Variants in PTTG1 observed in about 807,000 individuals in gnomAD.
PTTG1 encodes securin.
PTTG1 carries 8 observed loss-of-function variants against 20.0 expected under a neutral mutation model. The observed-to-expected ratio is 0.40, with a 90% CI of 0.23 to 0.72. The LOEUF (loss-of-function observed/expected upper bound fraction) is 0.72. PTTG1 is among the 30% of genes least tolerant of loss of function. The pLI is 0.38. For missense variants in PTTG1, 197 were observed against 236.0 expected, an observed-to-expected ratio of 0.83 and a Z score of 1.08; for synonymous variants, 79 against 87.2, an observed-to-expected ratio of 0.91 and a Z score of 0.52.
chr5:160,424,234 T>A lies in PTTG1; in HGVS notation c.277-3T>A. 1.9e-6 allele frequency: 3 copies of A among 1,602,578 alleles called. No homozygotes were observed. Among genetic ancestry groups the A allele is most frequent in the Non-Finnish European group, 2.6e-6 (3 of 1,171,034 alleles). ...TAACCCATATTTTCTTTGGCTGTTC[T>A]AGATGACTGAGAAGACTGTTAAAGC... On this transcript the variant is annotated splice_region_variant and splice_polypyrimidine_tract_variant and intron_variant, in intron 3 of 5. Coordinates refer to ENST00000352433, the MANE Select transcript of PTTG1 (RefSeq NM_004219.4).
At chr5:160,422,509 G>A (rs1041860922) in intron 2 of PTTG1, 106 bp downstream of exon 2, 1 of 703,718 alleles carries the variant, frequency 1.4e-6, no homozygotes, top group Admixed American at 2.3e-5. Context: ...GTTTGTTATT[G>A]GTCCTTTTTC....
intron 2 of PTTG1, 75 bp from the exon 3 acceptor site, chr5:160,422,634 G>A (rs762703372): frequency 6.4e-7 from 1 of 1,554,988 alleles, no homozygotes; most frequent in Non-Finnish European, 8.9e-7. Context: ...GAGAGGTCAA[G>A]TTTATATACA....
rs762542881 is a variant in PTTG1, at chr5:160,422,763, C to T, written c.146C>T (p.Thr49Met). The change falls in exon 3 of 6, where the codon ACG (threonine) becomes ATG (methionine). Residue 49 changes from threonine (T) to methionine (M), a missense_variant. By Grantham distance (81) the Thr-to-Met change is moderately conservative (BLOSUM62 -1). Coordinates refer to ENST00000352433, the MANE Select transcript of PTTG1 (RefSeq NM_004219.4). ...GTTTCAACACCACGTTTTGGCAAAA[C>T]GTTCGATGCCCCACCAGCCTTACCT... ...SQVSTPRFGK[T>M]FDAPPALPKA... 7 of 1,614,102 alleles carry T rather than the reference C, an allele frequency of 4.3e-6. No homozygotes were observed.
chr5:160,424,350 C>A lies in PTTG1; in HGVS notation c.370+20C>A, dbSNP rs1452027125. ...CTCTAGGTAGTATCTTTTGCAATTG[C>A]GAAAAGTGCTTTTGGCCTTTAGTTT... is the stretch of plus-strand genomic sequence containing the variant. On this transcript the variant is annotated intron_variant, in intron 4 of 5. Coordinates refer to ENST00000352433, the MANE Select transcript of PTTG1 (RefSeq NM_004219.4). 6.5e-7 allele frequency: 1 copy of A among 1,531,104 alleles called. No homozygotes were observed. Among genetic ancestry groups the A allele is most frequent in the African/African-American group, 1.4e-5 (1 of 72,652 alleles). 94.8% of individuals were successfully genotyped at this position (1,531,104 alleles called of 1,614,324 possible).
intron 3 of PTTG1, 51 bp downstream of exon 3, chr5:160,422,944 CT>C (rs758979512): frequency 1.9e-6 from 3 of 1,557,294 alleles, no homozygotes; most frequent in Non-Finnish European, 2.6e-6. Context: ...ACTTTTGACT[CT>C]TAAAATGACT....
rs763661529 is a variant in PTTG1, at chr5:160,428,687, T to G, written c.*6T>G. On this transcript the variant is annotated 3_prime_UTR_variant, in exon 6 of 6. Transcript: ENST00000352433. ...GCTGTGACATAGATATTTAAATTTC[T>G]TAGTGCTTCAGAGTTTGTGTGTATT... The G allele has an allele frequency of 6.2e-7, 1 of 1,606,780 alleles. No homozygotes were observed. The highest frequency in any genetic ancestry group is 1.7e-5 in the Admixed American group (1 of 60,018).
chr5:160,423,431 T>C (rs1765753543), intron 3 of PTTG1, among the ~76,000 whole-genome samples: 2 of 152,258 alleles, frequency 1.3e-5, no homozygotes, highest in Non-Finnish European at 2.9e-5. Context: ...CTGTGAAAGA[T>C]GACATTAGCA....
In PTTG1 at chr5:160,427,858, C is replaced by T. The variant is rs1001035771; in HGVS notation, c.514C>T (p.Pro172Ser). ...CCCTTCACCTGTGAAGATGCCCTCT[C>T]CACCATGGGAATCCAGTAAGTGAGC... ...GPPSPVKMPS[P>S]PWESNLLQSP... The change falls in exon 5 of 6, where the codon CCA becomes TCA. Residue 172 changes from proline (P) to serine (S), a missense_variant. Transcript: ENST00000352433. The T allele has an allele frequency of 5.6e-6, 9 of 1,614,172 alleles. No homozygotes were observed. In the African/African-American group the frequency reaches 8.0e-5, roughly 14 times the overall value.
Position 160,427,889 on chromosome 5 carries a change from C to T in PTTG1, c.529+16C>T, listed in dbSNP as rs1330012908. On this transcript the variant is annotated intron_variant, in intron 5 of 5. Coordinates refer to ENST00000352433, the MANE Select transcript of PTTG1 (RefSeq NM_004219.4). ...TGGGAATCCAGTAAGTGAGCAAGTG[C>T]CCTTCTGGAAGGGCTGCAAACAATT... The T allele has an allele frequency of 3.7e-6, 6 of 1,613,934 alleles. No individual in the cohort carries two copies. The African/African-American group carries it at 8.0e-5, about 22-fold the overall frequency.
intron 2 of PTTG1, 42 bp downstream of exon 2, chr5:160,422,445 A>G (rs761479982): frequency 6.5e-7 from 1 of 1,547,004 alleles, no homozygotes; most frequent in East Asian, 2.2e-5. Flanking sequence ...GGTATTGTGG[A>G]CGTGGCCTGG....
chr5:160,424,343 G>A lies in PTTG1; in HGVS notation c.370+13G>A, dbSNP rs1160034532. 6.4e-7 allele frequency: 1 copy of A among 1,559,510 alleles called. No homozygotes were observed. Among genetic ancestry groups the A allele is most frequent in the Admixed American group, 1.7e-5 (1 of 57,160 alleles). ...TTCAATCCTCTAGGTAGTATCTTTT[G>A]CAATTGCGAAAAGTGCTTTTGGCCT... On this transcript the variant is annotated intron_variant, in intron 4 of 5. Transcript: ENST00000352433.
At position 160,422,851 on chromosome 5, in the gene PTTG1, G is replaced by C. The variant is rs1317512761; in HGVS notation, c.234G>C (p.Lys78Asn). ...NRATEKSVKTKGPLKQKQPSF... is the reference protein window; with the variant it reads ...NRATEKSVKTNGPLKQKQPSF... ...CTACAGAAAAGTCTGTAAAGACCAA[G>C]GGACCCCTCAAACAAAAACAGCCAA... The change falls in exon 3 of 6, where the codon AAG becomes AAC. Residue 78 changes from lysine to asparagine, a missense_variant. Physicochemically the swap from Lys to Asn is moderately conservative, Grantham distance 94. Transcript: ENST00000352433. 1 of 1,614,170 alleles carries C rather than the reference G, an allele frequency of 6.2e-7. No homozygotes were observed. The highest frequency in any genetic ancestry group is 8.5e-7 in the Non-Finnish European group (1 of 1,180,036).
intron 4 of PTTG1, among the ~76,000 whole-genome samples, chr5:160,427,041 CA>C (rs35735664): frequency 9.4e-5 from 14 of 149,306 alleles, no homozygotes; most frequent in East Asian, 3.9e-4. Context: ...GACTCTGTCT[CA>C]AAAAAAAAAT....
intron 4 of PTTG1, among the ~76,000 whole-genome samples, chr5:160,426,243 T>C (rs1291047882): frequency 6.6e-6 from 1 of 152,192 alleles, no homozygotes; most frequent in East Asian, 1.9e-4. Flanking sequence ...TATTTTTTGT[T>C]CTGGAAAAGT....
intron 1 of PTTG1, 91 bp downstream of exon 1, chr5:160,421,982 G>GA: frequency 5.5e-6 from 1 of 182,290 alleles, no homozygotes; most frequent in South Asian, 8.9e-5. Context: ...CTGAAGCTGG[G>GA]GCTGGGGTTG....
intron 4 of PTTG1, among the ~76,000 whole-genome samples, chr5:160,425,438 A>G (rs1422652174): frequency 1.3e-5 from 2 of 152,192 alleles, no homozygotes; most frequent in African/African-American, 4.8e-5. Flanking sequence ...CAGGAAAGAG[A>G]TATTGCTAAG....
chr5:160,423,667 G>C (rs1161631479), intron 3 of PTTG1, among the ~76,000 whole-genome samples: 6 of 151,944 alleles, frequency 3.9e-5, no homozygotes, highest in Non-Finnish European at 8.8e-5. Flanking sequence ...CATATGTGAG[G>C]TGAGATAAAG....
At position 160,422,046 on chromosome 5, in the gene PTTG1, C is replaced by T. The variant is rs139811488; in HGVS notation, c.-12+155C>T. ...GAGCCCGTTTGAGCGTGGTCTCGGA[C>T]TGCTAACTGGACCAACGGCAACTGT... On this transcript the variant is annotated intron_variant, in intron 1 of 5. Transcript: ENST00000352433. 1,346 of 336,534 alleles carry T rather than the reference C, an allele frequency of 4.0e-3. 7 individuals are homozygous for T. The highest frequency in any genetic ancestry group is 5.7e-3 in the Non-Finnish European group (1,029 of 180,006). The allele number at this position is 336,534 out of a possible 1,614,324, so 20.8% of individuals were successfully genotyped here. A position where few individuals can be genotyped will look rare whatever the true frequency, so the allele number is the denominator to read the frequency against.
intron 3 of PTTG1, 130 bp downstream of exon 3, chr5:160,423,023 A>C: frequency 1.1e-6 from 1 of 905,610 alleles, no homozygotes; most frequent in Non-Finnish European, 1.7e-6. Context: ...CAAGCAGAGT[A>C]GTGGAGGAGA....
Sources: gnomAD v4.1 joint callset for allele counts (sites outside exome capture counted in the v4.1 genomes callset) on GRCh38, gnomAD v4.1.1 for gene constraint, MANE v1.5 for transcripts, NCBI Gene and HGNC (gene_info 2026-07-23, HGNC 2026-07-21) for gene names.